The following IL34 variants were observed in gnomAD, a reference collection of about 807,000 sequenced individuals.
The protein encoded by IL34 is interleukin 34, also known as interleukin-34.
Under a neutral mutation model 25.3 loss-of-function variants are expected in IL34, and 17 were observed. That is an observed-to-expected ratio of 0.67 (90% CI 0.46 to 1.01). IL34 has a LOEUF of 1.01. Ranked by LOEUF, IL34 falls within the 50% of genes least tolerant of loss-of-function variation. The pLI is 0.00. For synonymous variants in IL34, 174 were observed against 140.9 expected, an observed-to-expected ratio of 1.23 and a Z score of -1.66; for missense variants, 368 against 312.9, an observed-to-expected ratio of 1.18 and a Z score of -1.33.
intron 1 of IL34, among the ~76,000 whole-genome samples, chr16:70,585,837 GT>G (rs71151194): frequency 1.3e-3 from 171 of 132,144 alleles, no homozygotes; most frequent in Non-Finnish European, 1.3e-3. Context: ...CAGCCTCCTT[GT>G]TTTTTTTTTT....
intron 1 of IL34, among the ~76,000 whole-genome samples, chr16:70,621,770 T>A (rs1369185432): frequency 6.6e-6 from 1 of 151,850 alleles, no homozygotes; most frequent in East Asian, 1.9e-4. Context: ...AAAGGAAAAT[T>A]ACAGTCAAAG....
At chr16:70,644,821 GAGGAGGA>G (rs1235930336), upstream of IL34, among the ~76,000 whole-genome samples, 2 of 146,898 alleles carry the variant, frequency 1.4e-5, no homozygotes, top group South Asian at 2.2e-4. Context: ...AGGAGGAAGG[GAGGAGGA>G]AGGAGGAAGA....
At chr16:70,655,437 G>T (rs1021743205) in intron 2 of IL34, among the ~76,000 whole-genome samples, 2 of 151,394 alleles carry the variant, frequency 1.3e-5, no homozygotes, top group Non-Finnish European at 2.9e-5. Context: ...TGCCCAGGCT[G>T]GAGTGCAGTG....
chr16:70,637,736 T>C (rs937109372), intron 1 of IL34, among the ~76,000 whole-genome samples: 4 of 152,254 alleles, frequency 2.6e-5, no homozygotes, highest in Non-Finnish European at 4.4e-5. Flanking sequence ...CCAGTGTTGA[T>C]TGAAGAGACT....
At chr16:70,646,110 A>C (rs548411504), upstream of IL34, among the ~76,000 whole-genome samples, 1 of 151,726 alleles carries the variant, frequency 6.6e-6, no homozygotes, top group Admixed American at 6.6e-5. Flanking sequence ...AGGTCTTACT[A>C]TGCTGACCAG....
rs562716182 is a variant in IL34, at chr16:70,633,938, C to T, written c.-400-12610C>T. ...TGATCTTGGCTCACTGCAACCTCCG[C>T]CTCCTGGGTTCAAGCGATTCTGCTG... On this transcript the variant is annotated intron_variant, in intron 1 of 6. Coordinates refer to the IL34 transcript ENST00000429149. Among the ~76,000 whole-genome samples, 244 of 152,096 alleles carry T rather than the reference C, an allele frequency of 1.6e-3. 2 individuals are homozygous for T. The highest frequency in any genetic ancestry group is 5.4e-3 in the African/African-American group (224 of 41,500).
chr16:70,620,829 G>A (rs1055281210), intron 1 of IL34, among the ~76,000 whole-genome samples: 1 of 152,122 alleles, frequency 6.6e-6, no homozygotes, highest in African/African-American at 2.4e-5. Context: ...AAGGCACTTA[G>A]GTTTTAGGTC....
chr16:70,589,736 C>T (rs1038979079), intron 1 of IL34, among the ~76,000 whole-genome samples: 4 of 151,812 alleles, frequency 2.6e-5, no homozygotes, highest in Admixed American at 2.6e-4. Flanking sequence ...GATTCTCTTG[C>T]CTCAGCCTCC....
chr16:70,621,065 A>G (rs2051271031), intron 1 of IL34, among the ~76,000 whole-genome samples: 1 of 152,076 alleles, frequency 6.6e-6, no homozygotes, highest in African/African-American at 2.4e-5. Flanking sequence ...GTGTGGAAAT[A>G]AGCAATTAGG....
At position 70,641,291 on chromosome 16, in the gene IL34, T is replaced by C. The variant is rs370491434; in HGVS notation, c.-400-5257T>C. 1.3e-3 allele frequency among the ~76,000 whole-genome samples: 185 copies of C among 147,868 alleles called. 1 individual carries two copies. The highest frequency in any genetic ancestry group is 4.6e-3 in the African/African-American group (181 of 39,314). On this transcript the variant is annotated intron_variant, in intron 1 of 6. Coordinates refer to the IL34 transcript ENST00000429149. The stretch of plus-strand genomic sequence containing the variant: ...TCATCTCAAAACAACAACAAGAAAA[T>C]GTTATGCCTACACAAAAACTTGCAC...
At chr16:70,613,460 C>G (rs1013069428) in intron 1 of IL34, among the ~76,000 whole-genome samples, 6 of 152,168 alleles carry the variant, frequency 3.9e-5, no homozygotes, top group Admixed American at 3.3e-4. Context: ...AGTCACTTAC[C>G]TTTTCCAAGG....
chr16:70,648,899 G>A (rs916408573), intron 1 of IL34, among the ~76,000 whole-genome samples: 2 of 152,174 alleles, frequency 1.3e-5, no homozygotes, highest in East Asian at 1.9e-4. Flanking sequence ...CCAGCTCCTG[G>A]TGGCTCCTGG....
intron 1 of IL34, among the ~76,000 whole-genome samples, chr16:70,651,872 T>A (rs1343575462): frequency 6.6e-6 from 1 of 152,074 alleles, no homozygotes; most frequent in Non-Finnish European, 1.5e-5. Flanking sequence ...ATGCCTGTAA[T>A]CCCAGCACTT....
chr16:70,656,907 A>G (rs1447069679), intron 3 of IL34, 53 bp from the exon 4 acceptor site: 8 of 1,566,534 alleles, frequency 5.1e-6, no homozygotes, highest in Non-Finnish European at 6.1e-6. Flanking sequence ...GGGAGTGGTC[A>G]GAGCCCAGAG....
intron 1 of IL34, among the ~76,000 whole-genome samples, chr16:70,612,313 A>ACTGGGGGCTGGGGGCTGGGGG (rs560548899): frequency 2.0e-5 from 3 of 150,554 alleles, no homozygotes; most frequent in African/African-American, 7.3e-5. Flanking sequence ...GCCTGAAAGC[A>ACTGGGGGCTGGGGGCTGGGGG]CTGGGGGCTG....
intron 1 of IL34, among the ~76,000 whole-genome samples, chr16:70,637,634 C>T (rs1287833045): frequency 5.9e-5 from 9 of 152,148 alleles, no homozygotes; most frequent in South Asian, 4.2e-4. Flanking sequence ...TGTGAGCCAC[C>T]GCGCCTGGCC....
In IL34 at chr16:70,649,392, C is replaced by T. The variant is rs116723994; in HGVS notation, c.28+2417C>T. Among the ~76,000 whole-genome samples, 410 of 152,268 alleles carry T rather than the reference C, an allele frequency of 2.7e-3. 2 individuals carry two copies. The highest frequency in any genetic ancestry group is 7.4e-3 in the African/African-American group (307 of 41,542). On this transcript the variant is annotated intron_variant, in intron 1 of 5. Coordinates refer to ENST00000288098, the MANE Select transcript of IL34 (RefSeq NM_001393494.1). ...GACATTGGGTCATTGCTATGGAAAGCGGTGGTAACTCCCAGGCGTTGCCAT... is the reference window on the plus strand; with the variant it reads ...GACATTGGGTCATTGCTATGGAAAGTGGTGGTAACTCCCAGGCGTTGCCAT...
At chr16:70,626,553 C>T (rs773439436) in intron 1 of IL34, among the ~76,000 whole-genome samples, 32 of 152,184 alleles carry the variant, frequency 2.1e-4, no homozygotes, top group South Asian at 4.2e-4. Flanking sequence ...TGCGCCACCA[C>T]GCCCGGCTAA....
upstream of IL34, among the ~76,000 whole-genome samples, chr16:70,645,276 G>A (rs540199982): frequency 1.3e-5 from 2 of 152,154 alleles, no homozygotes; most frequent in African/African-American, 4.8e-5. Flanking sequence ...TGAACAACCC[G>A]TGTTCTCTCT....
Sources: allele counts gnomAD v4.1 joint callset (sites outside exome capture counted in the v4.1 genomes callset), GRCh38; gene constraint gnomAD v4.1.1; transcripts MANE v1.5; gene names NCBI Gene and HGNC (gene_info 2026-07-23, HGNC 2026-07-21).